Variants in ALPK1 observed in about 807,000 individuals in gnomAD.
ALPK1 encodes the protein alpha-protein kinase 1.
ALPK1 carries 110 observed loss-of-function variants against 120.6 expected under a neutral mutation model. That is an observed-to-expected ratio of 0.91 (90% CI 0.78 to 1.07). The LOEUF is 1.07. Among genes scored for constraint, ALPK1 ranks in the 50% least tolerant of loss-of-function variants. The pLI, the probability that ALPK1 is intolerant of heterozygous loss-of-function variation, is 0.00. For missense variants in ALPK1, 1,498 were observed against 1,483.9 expected, an observed-to-expected ratio of 1.01 and a Z score of -0.16; for synonymous variants, 582 against 560.3, an observed-to-expected ratio of 1.04 and a Z score of -0.55.
At chr4:112,408,870 CT>C (rs1320859870) in intron 4 of ALPK1, among the ~76,000 whole-genome samples, 3 of 152,110 alleles carry the variant, frequency 2.0e-5, no homozygotes, top group Non-Finnish European at 4.4e-5. Flanking sequence ...TTTAGTTAGG[CT>C]TTTTCTGGTT....
intron 2 of ALPK1, chr4:112,357,138 A>G: frequency 7.4e-7 from 1 of 1,355,878 alleles, no homozygotes; most frequent in South Asian, 1.3e-5. Context: ...CTGCCTGGAG[A>G]TGACAGCGGT....
intron 12 of ALPK1, among the ~76,000 whole-genome samples, chr4:112,437,678 C>T (rs917572836): frequency 6.6e-6 from 1 of 152,186 alleles, no homozygotes; most frequent in Admixed American, 6.5e-5. Context: ...TATCAGATTT[C>T]CTTTCTGGTC....
rs1731967814 is a variant in ALPK1 at position 112,382,494 on chromosome 4, G to A, written c.218G>A (p.Gly73Asp). 1 of 1,613,990 alleles carries A rather than the reference G, an allele frequency of 6.2e-7. No individual in the cohort carries two copies. Among genetic ancestry groups the A allele is most frequent in the Non-Finnish European group, 8.5e-7 (1 of 1,180,028 alleles). The change falls in exon 4 of 16, where the codon GGC becomes GAC. Residue 73 changes from glycine to aspartate, a missense_variant. Coordinates refer to ENST00000650871, the MANE Select transcript of ALPK1 (RefSeq NM_025144.4). ...PEKWQYKQAV[G>D]PEDKTNLKDV... Reference sequence around the variant, plus strand: ...AAGTGGCAGTACAAACAAGCCGTGGGCCCAGAGGACAAAACAAACCTGAAG... The same window carrying A: ...AAGTGGCAGTACAAACAAGCCGTGGACCCAGAGGACAAAACAAACCTGAAG...
At chr4:112,299,596 T>C (rs751196601) in intron 1 of ALPK1, among the ~76,000 whole-genome samples, 5 of 152,176 alleles carry the variant, frequency 3.3e-5, no homozygotes, top group Non-Finnish European at 5.9e-5. Flanking sequence ...CATGCTACAC[T>C]AATGCATTTG....
intron 4 of ALPK1, among the ~76,000 whole-genome samples, chr4:112,401,112 T>G (rs181535937): frequency 2.0e-5 from 3 of 152,340 alleles, no homozygotes. Flanking sequence ...GCGTCTGGAC[T>G]TTTGAAAGTC....
At chr4:112,377,027 A>G (rs1731695056) in intron 2 of ALPK1, among the ~76,000 whole-genome samples, 1 of 152,196 alleles carries the variant, frequency 6.6e-6, no homozygotes, top group Non-Finnish European at 1.5e-5. Flanking sequence ...ATATTTGCAT[A>G]AGAAATCTCT....
intron 1 of ALPK1, among the ~76,000 whole-genome samples, chr4:112,310,046 TCCCAGTACCTAG>T (rs1434819514): frequency 6.6e-6 from 1 of 152,072 alleles, no homozygotes; most frequent in African/African-American, 2.4e-5. Context: ...ATCTCTGAAT[TCCCAGTACCTAG>T]CCCAATGCAT....
intron 12 of ALPK1, among the ~76,000 whole-genome samples, chr4:112,435,753 T>A (rs2148765900): frequency 6.6e-6 from 1 of 152,304 alleles, no homozygotes; most frequent in South Asian, 2.1e-4. Flanking sequence ...GCTGAACCCT[T>A]TAGGGATCCC....
At chr4:112,387,758 A>G (rs1732218224) in intron 4 of ALPK1, among the ~76,000 whole-genome samples, 1 of 152,192 alleles carries the variant, frequency 6.6e-6, no homozygotes, top group South Asian at 2.1e-4. Flanking sequence ...ATAAAGTTTG[A>G]TCAATTTAGT....
chr4:112,395,742 C>G (rs150716621), intron 4 of ALPK1, among the ~76,000 whole-genome samples: 1 of 152,162 alleles, frequency 6.6e-6, no homozygotes, highest in East Asian at 1.9e-4. Context: ...GAAGATGTAG[C>G]TAGTACAGTT....
rs767938483 is a variant in ALPK1 at position 112,432,430 on chromosome 4, G to T, written c.2883G>T (p.Leu961Phe). The T allele has an allele frequency of 1.1e-5, 17 of 1,614,058 alleles. No homozygotes were observed. The highest frequency in any genetic ancestry group is 1.4e-5 in the Non-Finnish European group (17 of 1,180,038). The change falls in exon 11 of 16, where the codon TTG becomes TTT. Residue 961 changes from leucine (L) to phenylalanine (F), a missense_variant. Physicochemically the swap from Leu to Phe is conservative, Grantham distance 22 (BLOSUM62 0). Transcript: ENST00000650871. ...CCAGTGGGAGTTCTTGGGTTTCATT[G>T]CCGGGAAAGATGAGGAAAGAGATCC... The part of the protein sequence containing the change: ...LNSSGSSWVS[L>F]PGKMRKEILE...
chr4:112,427,200 T>G (rs1171986680), intron 8 of ALPK1, among the ~76,000 whole-genome samples: 1 of 152,216 alleles, frequency 6.6e-6, no homozygotes, highest in Non-Finnish European at 1.5e-5. Context: ...TGTGTTTACA[T>G]TAGGCCCATG....
chr4:112,414,685 A>T (rs746702526), intron 5 of ALPK1: 43 of 163,860 alleles, frequency 2.6e-4, no homozygotes, highest in Non-Finnish European at 4.5e-4. Flanking sequence ...AAAACCTTTC[A>T]AACCACAGTT....
At chr4:112,430,364 T>C (rs1734481924) in intron 10 of ALPK1, 84 bp from the exon 11 acceptor site, 2 of 1,259,030 alleles carry the variant, frequency 1.6e-6, no homozygotes, top group South Asian at 1.5e-5. Context: ...TTCAAATGAC[T>C]GTCCTCCAGA....
At chr4:112,427,952 A>G (rs1017760769) in intron 9 of ALPK1, 2 of 241,232 alleles carry the variant, frequency 8.3e-6, no homozygotes, top group Non-Finnish European at 1.6e-5. Context: ...CTTTCCTTTC[A>G]AAGTATAACA....
At chr4:112,363,657 A>G (rs1235740071) in intron 2 of ALPK1, among the ~76,000 whole-genome samples, 2 of 152,200 alleles carry the variant, frequency 1.3e-5, no homozygotes, top group Non-Finnish European at 2.9e-5. Context: ...TCAAGAGAGA[A>G]AGTCAACAAG....
chr4:112,425,179 T>G (rs1266570425), intron 6 of ALPK1: 1 of 154,116 alleles, frequency 6.5e-6, no homozygotes, highest in African/African-American at 2.4e-5. Flanking sequence ...ATGTGTGCAG[T>G]CATCAGTTTT....
chr4:112,350,112 A>G (rs1730287683), intron 2 of ALPK1, among the ~76,000 whole-genome samples: 1 of 152,184 alleles, frequency 6.6e-6, no homozygotes, highest in Non-Finnish European at 1.5e-5. Flanking sequence ...TGAAACCACA[A>G]TTCTTCATTT....
rs376437765 is a variant in ALPK1, at chr4:112,357,679, G to A, written c.-100-19999G>A. ...GGTGGGGATCATCCCCAGAGGCCCC[G>A]ACGGAGCCCAGTTGAGCTCCGCGTT... On this transcript the variant is annotated intron_variant, in intron 2 of 15. Transcript: ENST00000650871. 2.6e-4 allele frequency: 408 copies of A among 1,599,382 alleles called. 4 individuals carry two copies. Among genetic ancestry groups the A allele is most frequent in the Admixed American group, 3.7e-4 (22 of 59,946 alleles).
Sources: gnomAD v4.1 joint callset for allele counts (sites outside exome capture counted in the v4.1 genomes callset) on GRCh38, gnomAD v4.1.1 for gene constraint, MANE v1.5 for transcripts, NCBI Gene and HGNC (gene_info 2026-07-23, HGNC 2026-07-21) for gene names.